Variants in AGGF1 observed in about 807,000 individuals in gnomAD.
AGGF1 encodes angiogenic factor with G patch and FHA domains 1.
AGGF1 carries 56 observed loss-of-function variants against 86.5 expected under a neutral mutation model. That is an observed-to-expected ratio of 0.65 (90% CI 0.52 to 0.81). The LOEUF (loss-of-function observed/expected upper bound fraction) is 0.81, where lower values mean the gene tolerates loss of function less well. Ranked by LOEUF, AGGF1 falls within the 30% of genes least tolerant of loss-of-function variation. AGGF1 has a pLI of 0.00. For missense variants in AGGF1, 816 were observed against 850.9 expected (o/e 0.96, Z 0.51); for synonymous variants, 313 against 297.1 (o/e 1.05, Z -0.55).
chr5:77,040,265 C>T (rs956361027), intron 5 of AGGF1, among the ~76,000 whole-genome samples: 3 of 151,992 alleles, frequency 2.0e-5, no homozygotes, highest in East Asian at 3.9e-4. Flanking sequence ...TGCACCAACA[C>T]GTCTGGCTAA....
chr5:77,046,324 C>G (rs746633437), intron 5 of AGGF1, 23 bp from the exon 6 acceptor site: 14 of 1,585,322 alleles, frequency 8.8e-6, no homozygotes, highest in Non-Finnish European at 1.0e-5. Flanking sequence ...CCTGTTCCCT[C>G]GTATCTACCC....
chr5:77,036,378 TACTG>T (rs1476487018), intron 3 of AGGF1, among the ~76,000 whole-genome samples, 174 bp from the exon 4 acceptor site: 5 of 152,384 alleles, frequency 3.3e-5, no homozygotes, highest in African/African-American at 1.2e-4. Context: ...AAGTTGAAGT[TACTG>T]ACACACTAGT....
intron 5 of AGGF1, among the ~76,000 whole-genome samples, chr5:77,044,646 A>G (rs1249850933): frequency 6.6e-6 from 1 of 152,198 alleles, no homozygotes; most frequent in Non-Finnish European, 1.5e-5. Flanking sequence ...TTAAGAGTAT[A>G]TACAGATAGG....
In AGGF1 at chr5:77,048,008, C is replaced by T. The variant is rs143730940; in HGVS notation, c.1202-153C>T. Among the ~76,000 whole-genome samples the T allele has an allele frequency of 2.6e-3, 389 of 152,144 alleles. 9 individuals carry two copies. Among genetic ancestry groups the T allele is most frequent in the Admixed American group, 0.022 (338 of 15,266 alleles). On this transcript the variant is annotated intron_variant, in intron 6 of 13. Coordinates refer to ENST00000312916, the MANE Select transcript of AGGF1 (RefSeq NM_018046.5). The stretch of plus-strand genomic sequence containing the variant: ...CAGTGTTAAGCCTTACCCATTGCTG[C>T]GTATTATACAGCAGAATTTAAGAAG...
Position 77,030,642 on chromosome 5 carries a change from C to A in AGGF1, c.-125C>A. The A allele has an allele frequency of 8.9e-7, 1 of 1,126,728 alleles. No homozygotes were observed. The highest frequency in any genetic ancestry group is 1.3e-6 in the Non-Finnish European group (1 of 776,432). The allele number at this position is 1,126,728 out of a possible 1,614,324, so 69.8% of individuals were successfully genotyped here. ...AGGGCGTCATGGCCAGGGGCCACCG[C>A]GGCCAGCCGGGTGTGAGGCTGCCTT... On this transcript the variant is annotated 5_prime_UTR_variant, in exon 1 of 14. Transcript: ENST00000312916.
At position 77,034,582 on chromosome 5, in the gene AGGF1, T is replaced by C. The variant is rs1746929819; in HGVS notation, c.313+62T>C. 6 of 1,155,552 alleles carry C rather than the reference T, an allele frequency of 5.2e-6. No individual in the cohort carries two copies. In the South Asian group the frequency reaches 7.4e-5, roughly 14 times the overall value. The allele number at this position is 1,155,552 out of a possible 1,614,324, so 71.6% of individuals were successfully genotyped here. ...ACATTCAAATCATGCTAATGTTGCG[T>C]TTTCTTTTAATTTAAAATAAACAAA... is the stretch of plus-strand genomic sequence containing the variant. On this transcript the variant is annotated intron_variant, in intron 2 of 13. Coordinates refer to ENST00000312916, the MANE Select transcript of AGGF1 (RefSeq NM_018046.5).
chr5:77,058,426 T>C (rs1747494684), intron 11 of AGGF1, among the ~76,000 whole-genome samples: 1 of 152,198 alleles, frequency 6.6e-6, no homozygotes. Context: ...CAAAATAACA[T>C]ATTTTTTCTG....
In AGGF1 at chr5:77,035,568, A is replaced by G. The variant is rs1246991992; in HGVS notation, c.341A>G (p.Asp114Gly). The G allele has an allele frequency of 1.2e-6, 2 of 1,613,158 alleles. No homozygotes were observed. Among genetic ancestry groups the G allele is most frequent in the Non-Finnish European group, 1.7e-6 (2 of 1,179,416 alleles). The change falls in exon 3 of 14, where the codon GAC becomes GGC. Residue 114 changes from aspartate (D) to glycine (G), a missense_variant. Around this residue, in one of 3 missense-constraint regions of AGGF1, gnomAD observed 240 missense variants for 234.4 expected, o/e 1.02. Coordinates refer to ENST00000312916, the MANE Select transcript of AGGF1 (RefSeq NM_018046.5). Reference protein sequence around the residue: ...SDYFYQTYYNDVSLPNKVTEL... With the variant: ...SDYFYQTYYNGVSLPNKVTEL... ...TATTTTTATCAGACGTACTACAATG[A>G]CGTTAGTCTTCCAAATAAAGTGACT...
rs149500831 is a variant in AGGF1 at position 77,053,664 on chromosome 5, T to A, written c.1468-301T>A. ...CTTAACATTTCATCTTTTTTTATTG[T>A]GATGATTATATGTTTTGGTAATAGA... On this transcript the variant is annotated intron_variant, in intron 9 of 13. Coordinates refer to ENST00000312916, the MANE Select transcript of AGGF1 (RefSeq NM_018046.5). Among the ~76,000 whole-genome samples the A allele has an allele frequency of 2.2e-3, 330 of 152,296 alleles. 1 individual carries two copies. The highest frequency in any genetic ancestry group is 7.4e-3 in the African/African-American group (309 of 41,562).
rs181468035 is a variant in AGGF1, at chr5:77,040,244, G to A, written c.870+525G>A. On this transcript the variant is annotated intron_variant, in intron 5 of 13. Transcript: ENST00000312916. ...CTGCCTCAGCCTCCCGAGTAGCTGGGATTACAGGCATGCACCAACACGTCT... is the reference window on the plus strand; with the variant it reads ...CTGCCTCAGCCTCCCGAGTAGCTGGAATTACAGGCATGCACCAACACGTCT... Among the ~76,000 whole-genome samples the A allele has an allele frequency of 3.8e-3, 582 of 151,986 alleles. 3 individuals are homozygous for A. Among genetic ancestry groups the A allele is most frequent in the African/African-American group, 0.013 (556 of 41,434 alleles).
intron 12 of AGGF1, among the ~76,000 whole-genome samples, chr5:77,061,143 A>T (rs530479876): frequency 2.6e-5 from 4 of 152,258 alleles, no homozygotes; most frequent in South Asian, 2.1e-4. Flanking sequence ...TAAGATTAAC[A>T]TATTGCAGAA....
At chr5:77,048,594 C>T (rs1747314767) in intron 7 of AGGF1, among the ~76,000 whole-genome samples, 1 of 152,178 alleles carries the variant, frequency 6.6e-6, no homozygotes, top group South Asian at 2.1e-4. Context: ...GTGATCCACC[C>T]ACCTCAGGCT....
At position 77,064,364 on chromosome 5, in the gene AGGF1, CATCTACT is replaced by C. The variant is rs1305918213; in HGVS notation, c.*1115_*1121del. The stretch of plus-strand genomic sequence containing the variant: ...CAGTGAATGTAAGCTCTAGCTCCCC[CATCTACT>C]ATAAAGAAATGTCTTCGAGATGTAG... On this transcript the variant is annotated 3_prime_UTR_variant, in exon 14 of 14. Coordinates refer to ENST00000312916, the MANE Select transcript of AGGF1 (RefSeq NM_018046.5). 41 of 152,298 alleles carry C rather than the reference CATCTACT, an allele frequency of 2.7e-4. No homozygotes were observed. The highest frequency in any genetic ancestry group is 9.1e-4 in the African/African-American group (38 of 41,568). The allele number at this position is 152,298 out of a possible 1,614,324, so 9.4% of individuals were successfully genotyped here.
intron 7 of AGGF1, among the ~76,000 whole-genome samples, 181 bp downstream of exon 7, chr5:77,048,453 G>A (rs545855447): frequency 6.6e-6 from 1 of 152,264 alleles, no homozygotes; most frequent in African/African-American, 2.4e-5. Context: ...CTGGGTTCAA[G>A]CAGTTCTCCT....
chr5:77,038,463 A>T (rs931267842), intron 4 of AGGF1, among the ~76,000 whole-genome samples: 1 of 152,108 alleles, frequency 6.6e-6, no homozygotes, highest in Non-Finnish European at 1.5e-5. Flanking sequence ...ATTTTAATAA[A>T]TTTTTTTTAT....
intron 10 of AGGF1, among the ~76,000 whole-genome samples, chr5:77,055,216 G>A (rs1747438592): frequency 6.6e-6 from 1 of 151,924 alleles, no homozygotes; most frequent in African/African-American, 2.4e-5. Context: ...TAATATTTCT[G>A]CATTTGAGAT....
chr5:77,040,803 C>T (rs901106237), intron 5 of AGGF1, among the ~76,000 whole-genome samples: 2 of 152,150 alleles, frequency 1.3e-5, no homozygotes, highest in Non-Finnish European at 2.9e-5. Flanking sequence ...CTGTCCTGTC[C>T]TTTCCTGTCC....
intron 11 of AGGF1, among the ~76,000 whole-genome samples, chr5:77,057,310 A>AT (rs970859241): frequency 2.1e-4 from 31 of 150,322 alleles, no homozygotes; most frequent in East Asian, 5.8e-4. Context: ...TGTTCATTGC[A>AT]TTTTTTTTTT....
chr5:77,057,241 C>CT (rs1406393841), intron 11 of AGGF1, among the ~76,000 whole-genome samples: 1 of 152,108 alleles, frequency 6.6e-6, no homozygotes, highest in African/African-American at 2.4e-5. Flanking sequence ...CCATTCTACT[C>CT]TGAGATATTT....
Sources: gnomAD v4.1 joint callset for allele counts (sites outside exome capture counted in the v4.1 genomes callset) on GRCh38, gnomAD v4.1.1 for gene constraint, gnomAD v4.1.1 regional missense constraint, MANE v1.5 for transcripts, NCBI Gene and HGNC (gene_info 2026-07-23, HGNC 2026-07-21) for gene names.